The following DNAJC5B variants were observed in gnomAD, a reference collection of about 807,000 sequenced individuals.
DNAJC5B encodes dnaJ homolog subfamily C member 5B.
Under a neutral mutation model 24.7 loss-of-function variants are expected in DNAJC5B, and 23 were observed. That is an observed-to-expected ratio of 0.93 (90% CI 0.67 to 1.32). DNAJC5B has a LOEUF of 1.32. Ranked by LOEUF, DNAJC5B falls within the 40% of genes most tolerant of loss-of-function variation. The probability of loss-of-function intolerance (pLI) is 0.00; values close to 1 mark genes in which losing one functional copy is unlikely to be tolerated. For missense variants in DNAJC5B, 238 were observed against 240.8 expected, an observed-to-expected ratio of 0.99 and a Z score of 0.08; for synonymous variants, 101 against 90.1, an observed-to-expected ratio of 1.12 and a Z score of -0.68.
At chr8:66,067,063 G>A (rs1807234094) in intron 3 of DNAJC5B, among the ~76,000 whole-genome samples, 1 of 152,084 alleles carries the variant, frequency 6.6e-6, no homozygotes, top group Non-Finnish European at 1.5e-5. Flanking sequence ...ATAGTTGAAA[G>A]AAGACAACGA....
At chr8:66,065,687 C>T (rs1487060973) in intron 3 of DNAJC5B, among the ~76,000 whole-genome samples, 1 of 152,092 alleles carries the variant, frequency 6.6e-6, no homozygotes, top group Non-Finnish European at 1.5e-5. Context: ...AAGATATGAC[C>T]ACAAGAGGCA....
intron 3 of DNAJC5B, among the ~76,000 whole-genome samples, chr8:66,072,648 G>A (rs1807375639): frequency 6.6e-6 from 1 of 152,100 alleles, no homozygotes; most frequent in African/African-American, 2.4e-5. Context: ...AAAACAACTA[G>A]TGGCTAAAAA....
chr8:66,042,556 G>A (rs942652579), intron 1 of DNAJC5B, among the ~76,000 whole-genome samples: 3 of 151,998 alleles, frequency 2.0e-5, no homozygotes, highest in African/African-American at 7.2e-5. Flanking sequence ...TGGAACTTGG[G>A]TATTTCATTC....
chr8:66,020,911 T>A (rs891614636), upstream of DNAJC5B, among the ~76,000 whole-genome samples: 2 of 152,180 alleles, frequency 1.3e-5, no homozygotes, highest in African/African-American at 4.8e-5. Flanking sequence ...GTGCTGGGAT[T>A]ACAGGCATGA....
upstream of DNAJC5B, among the ~76,000 whole-genome samples, chr8:66,019,948 C>G (rs888416728): frequency 6.6e-6 from 1 of 152,204 alleles, no homozygotes; most frequent in Non-Finnish European, 1.5e-5. Context: ...TGTCCATTAA[C>G]CATTTCCCTA....
intron 5 of DNAJC5B, among the ~76,000 whole-genome samples, chr8:66,086,386 A>G (rs1315422019): frequency 3.3e-5 from 5 of 152,050 alleles, no homozygotes; most frequent in Admixed American, 1.3e-4. Flanking sequence ...TCACATTTTC[A>G]TTTTGAACTG....
chr8:66,018,753 A>G (rs77939829), upstream of DNAJC5B, among the ~76,000 whole-genome samples: 69,586 of 151,626 alleles, frequency 0.46, 20,662 homozygotes, highest in African/African-American at 0.85. Flanking sequence ...ATATATATAT[A>G]AAGTAGGTGA....
At chr8:66,084,817 A>G (rs1391066556) in intron 5 of DNAJC5B, among the ~76,000 whole-genome samples, 1 of 152,194 alleles carries the variant, frequency 6.6e-6, no homozygotes, top group African/African-American at 2.4e-5. Flanking sequence ...GAAAATTTTG[A>G]TGAAATCATA....
At chr8:66,042,625 C>A (rs542916891) in intron 1 of DNAJC5B, among the ~76,000 whole-genome samples, 2 of 138,750 alleles carry the variant, frequency 1.4e-5, no homozygotes, top group Non-Finnish European at 3.1e-5. Context: ...TTCTTCTTCT[C>A]CTTCTCCTTC....
At chr8:66,021,041 TC>T (rs1409738575), upstream of DNAJC5B, among the ~76,000 whole-genome samples, 1 of 152,184 alleles carries the variant, frequency 6.6e-6, no homozygotes, top group Admixed American at 6.5e-5. Context: ...CTAGAAATGG[TC>T]TGGTGGCTCA....
chr8:66,071,030 A>G (rs1269124407), intron 3 of DNAJC5B, among the ~76,000 whole-genome samples: 2 of 152,184 alleles, frequency 1.3e-5, no homozygotes, highest in Non-Finnish European at 2.9e-5. Context: ...CCCCTTCCTT[A>G]CACCTTATAC....
chr8:66,068,468 A>C (rs1056988169), intron 3 of DNAJC5B, among the ~76,000 whole-genome samples: 1 of 152,126 alleles, frequency 6.6e-6, no homozygotes, highest in African/African-American at 2.4e-5. Flanking sequence ...AGAAGAAAAT[A>C]CCAAAGAAGA....
chr8:66,063,075 T>C (rs1807120296), intron 3 of DNAJC5B, among the ~76,000 whole-genome samples: 1 of 152,192 alleles, frequency 6.6e-6, no homozygotes, highest in African/African-American at 2.4e-5. Flanking sequence ...GGTCTCTGTG[T>C]CTCATGAATA....
At chr8:66,032,873 T>C (rs1015440263) in intron 1 of DNAJC5B, among the ~76,000 whole-genome samples, 1 of 152,200 alleles carries the variant, frequency 6.6e-6, no homozygotes, top group Non-Finnish European at 1.5e-5. Context: ...TAAATAAATC[T>C]TGTATAAAAG....
chr8:66,057,376 T>C (rs889380940), intron 3 of DNAJC5B: 1 of 152,104 alleles, frequency 6.6e-6, no homozygotes, highest in African/African-American at 2.4e-5. Flanking sequence ...AATAGAATGT[T>C]CCCGATCTGA....
chr8:66,066,196 C>A (rs1273893981), intron 3 of DNAJC5B, among the ~76,000 whole-genome samples: 1 of 152,098 alleles, frequency 6.6e-6, no homozygotes, highest in Non-Finnish European at 1.5e-5. Flanking sequence ...CTTACTCCTG[C>A]AAGAATGACC....
At chr8:66,015,906 G>A in the DNAJC5B span, among the ~76,000 whole-genome samples, 860 of 152,286 alleles carry the variant, frequency 5.6e-3, 14 homozygotes, top group African/African-American at 0.02. Flanking sequence ...AGTGTGCAGT[G>A]GACAGTGAGA....
chr8:66,048,833 C>A (rs996784322), intron 2 of DNAJC5B, among the ~76,000 whole-genome samples: 1 of 152,120 alleles, frequency 6.6e-6, no homozygotes. Flanking sequence ...CGAGGCCATC[C>A]CCTCCCACTC....
At position 66,101,185 on chromosome 8, in the gene DNAJC5B, T is replaced by C. The variant is rs978301203; in HGVS notation, c.*1154T>C. 2.6e-5 allele frequency among the ~76,000 whole-genome samples: 4 copies of C among 152,240 alleles called. No homozygotes were observed. The highest frequency in any genetic ancestry group is 9.6e-5 in the African/African-American group (4 of 41,458). ...TAGTTAATTGCTGCTAAATATATATTGTAAGTGAGAATTAGTGTTATAGCT... is the reference window on the plus strand; with the variant it reads ...TAGTTAATTGCTGCTAAATATATATCGTAAGTGAGAATTAGTGTTATAGCT... On this transcript the variant is annotated 3_prime_UTR_variant, in exon 6 of 6. Transcript: ENST00000276570.
Sources: gnomAD v4.1 joint callset for allele counts (sites outside exome capture counted in the v4.1 genomes callset) on GRCh38, gnomAD v4.1.1 for gene constraint, MANE v1.5 for transcripts, NCBI Gene and HGNC (gene_info 2026-07-23, HGNC 2026-07-21) for gene names.